NEK11: variants seen among roughly 807,000 people sequenced by gnomAD.
NEK11 encodes the protein NIMA related kinase 11, also known as serine/threonine-protein kinase Nek11.
NEK11 carries 72 observed loss-of-function variants against 80.7 expected under a neutral mutation model. The observed-to-expected ratio is 0.89, with a 90% confidence interval of 0.74 to 1.08. NEK11 has a LOEUF of 1.08. Ranked by LOEUF, NEK11 falls within the 50% of genes least tolerant of loss-of-function variation. NEK11 has a pLI of 0.00. For missense variants in NEK11, 764 were observed against 763.6 expected (o/e 1.00, Z -0.01); for synonymous variants, 251 against 260.7 (o/e 0.96, Z 0.36).
At chr3:131,292,815 T>C (rs1471279522) in intron 17 of NEK11, among the ~76,000 whole-genome samples, 2 of 152,204 alleles carry the variant, frequency 1.3e-5, no homozygotes, top group African/African-American at 4.8e-5. Context: ...GTATATATTA[T>C]GTTAGATTTA....
intron 16 of NEK11, among the ~76,000 whole-genome samples, chr3:131,255,116 GAAAGAAAGAA>G (rs2095791554): frequency 2.0e-5 from 3 of 150,998 alleles, no homozygotes; most frequent in Admixed American, 6.6e-5. Flanking sequence ...AAGAAAGAAA[GAAAGAAAGAA>G]AGAGAGAAAG....
At chr3:131,340,641 G>A (rs1245285327) in intron 17 of NEK11, among the ~76,000 whole-genome samples, 2 of 152,002 alleles carry the variant, frequency 1.3e-5, no homozygotes, top group Non-Finnish European at 2.9e-5. Flanking sequence ...ACACGTATTC[G>A]GGATGTGACC....
At chr3:131,160,948 A>G (rs1391143834) in intron 10 of NEK11, among the ~76,000 whole-genome samples, 1 of 152,112 alleles carries the variant, frequency 6.6e-6, no homozygotes, top group African/African-American at 2.4e-5. Flanking sequence ...GCTTTACACC[A>G]GTCAGAATGG....
chr3:131,263,201 G>A (rs1397811426), intron 16 of NEK11, among the ~76,000 whole-genome samples: 1 of 151,848 alleles, frequency 6.6e-6, no homozygotes, highest in South Asian at 2.1e-4. Flanking sequence ...CCCACCCCAC[G>A]ACAGGCCCTG....
At chr3:131,332,183 T>G (rs922843204) in intron 17 of NEK11, among the ~76,000 whole-genome samples, 1 of 152,244 alleles carries the variant, frequency 6.6e-6, no homozygotes, top group African/African-American at 2.4e-5. Flanking sequence ...CCCAGACCCC[T>G]GACCCCTGAG....
chr3:131,179,862 G>A (rs1376460917), intron 14 of NEK11, among the ~76,000 whole-genome samples: 1 of 152,094 alleles, frequency 6.6e-6, no homozygotes, highest in Non-Finnish European at 1.5e-5. Context: ...AAAATTGATG[G>A]TGTCTTTGAT....
At chr3:131,137,489 T>C (rs959855490) in intron 7 of NEK11, among the ~76,000 whole-genome samples, 4 of 152,028 alleles carry the variant, frequency 2.6e-5, no homozygotes, top group Non-Finnish European at 5.9e-5. Context: ...AAGAATTAAT[T>C]TTTTTCACTT....
At chr3:131,210,646 T>G (rs1213962728) in intron 14 of NEK11, among the ~76,000 whole-genome samples, 1 of 152,222 alleles carries the variant, frequency 6.6e-6, no homozygotes, top group African/African-American at 2.4e-5. Flanking sequence ...GCTTTATTAA[T>G]CTGGGTTCTC....
At chr3:131,069,527 C>T (rs925129636) in intron 3 of NEK11, among the ~76,000 whole-genome samples, 8 of 151,976 alleles carry the variant, frequency 5.3e-5, no homozygotes, top group Non-Finnish European at 8.8e-5. Context: ...CGCATGCACA[C>T]GTATGTTTAT....
intron 15 of NEK11, among the ~76,000 whole-genome samples, chr3:131,242,146 T>C (rs1372595016): frequency 6.6e-6 from 1 of 152,078 alleles, no homozygotes; most frequent in Non-Finnish European, 1.5e-5. Context: ...AATGACTGCA[T>C]AGGTTTCTGA....
In NEK11 at chr3:131,169,960, C is replaced by T. The variant is rs534170272; in HGVS notation, c.1285-813C>T. On this transcript the variant is annotated intron_variant, in intron 13 of 17. Transcript: ENST00000383366. ...TTCGCCTCCTGAAACAATTATTATG[C>T]GGTACAGAAAACTGACTTCTTAAAA... 3.9e-5 allele frequency among the ~76,000 whole-genome samples: 6 copies of T among 152,130 alleles called. No homozygotes were observed. The East Asian group carries it at 5.8e-4, about 15-fold the overall frequency.
At chr3:131,130,761 A>T (rs1369800173) in intron 5 of NEK11, among the ~76,000 whole-genome samples, 2 of 152,154 alleles carry the variant, frequency 1.3e-5, no homozygotes, top group Non-Finnish European at 2.9e-5. Flanking sequence ...TATAAATCCC[A>T]CTTGGTTGTG....
In NEK11 at chr3:131,026,942, GGCCTGCCCGA is replaced by G. The variant is rs1303060462; in HGVS notation, c.-233_-224del. 1 of 152,298 alleles carries G rather than the reference GGCCTGCCCGA, an allele frequency of 6.6e-6. No individual in the cohort carries two copies. The highest frequency in any genetic ancestry group is 3.2e-3 in the Middle Eastern group (1 of 316). 9.4% of individuals were successfully genotyped at this position (152,298 alleles called of 1,614,324 possible). On this transcript the variant is annotated 5_prime_UTR_variant, in exon 1 of 18. Transcript: ENST00000383366. Reference sequence around the variant, plus strand: ...GTGGGTGTGGTTGCCCCTAGTTTGAGGCCTGCCCGATTACCCGCAAGACTTGGGCAGCCCC... The same window carrying G: ...GTGGGTGTGGTTGCCCCTAGTTTGAGTTACCCGCAAGACTTGGGCAGCCCC...
At chr3:131,211,547 A>G (rs548266659) in intron 14 of NEK11, among the ~76,000 whole-genome samples, 1 of 152,286 alleles carries the variant, frequency 6.6e-6, no homozygotes, top group South Asian at 2.1e-4. Flanking sequence ...CTTCTGGATA[A>G]TATCCTGCAG....
chr3:131,147,114 A>T (rs140144496), intron 7 of NEK11, among the ~76,000 whole-genome samples: 2 of 152,202 alleles, frequency 1.3e-5, no homozygotes, highest in Admixed American at 6.5e-5. Context: ...CTCCAAGATC[A>T]TGAAGATATT....
At chr3:131,122,389 C>T (rs984151860) in intron 5 of NEK11, among the ~76,000 whole-genome samples, 1 of 152,188 alleles carries the variant, frequency 6.6e-6, no homozygotes, top group African/African-American at 2.4e-5. Context: ...TAGGCACACT[C>T]CTGATATGCT....
intron 14 of NEK11, among the ~76,000 whole-genome samples, chr3:131,178,847 A>T (rs1325227391): frequency 2.6e-5 from 4 of 152,158 alleles, no homozygotes; most frequent in African/African-American, 9.7e-5. Flanking sequence ...GGTAATAGGA[A>T]TTTTTTAGTT....
chr3:131,049,635 A>G (rs908585955), intron 3 of NEK11, among the ~76,000 whole-genome samples: 2 of 152,158 alleles, frequency 1.3e-5, no homozygotes, highest in African/African-American at 4.8e-5. Context: ...TCAAACGTGT[A>G]TTTTCTACTA....
chr3:131,112,982 A>T (rs1332681114), intron 5 of NEK11, among the ~76,000 whole-genome samples: 1 of 152,180 alleles, frequency 6.6e-6, no homozygotes, highest in Non-Finnish European at 1.5e-5. Flanking sequence ...ATGATAAATT[A>T]TATCAAGGAG....
Sources: gnomAD v4.1 joint callset for allele counts (sites outside exome capture counted in the v4.1 genomes callset) on GRCh38, gnomAD v4.1.1 for gene constraint, MANE v1.5 for transcripts, NCBI Gene and HGNC (gene_info 2026-07-23, HGNC 2026-07-21) for gene names.